The following PTPRD variants were observed in gnomAD, a reference collection of about 807,000 sequenced individuals.
The protein encoded by PTPRD is protein tyrosine phosphatase receptor type D, also known as receptor-type tyrosine-protein phosphatase delta.
Under a neutral mutation model 214.5 loss-of-function variants are expected in PTPRD, and 34 were observed. The ratio of observed to expected loss-of-function variants is 0.16; its 90% CI spans 0.12 to 0.21. PTPRD has a LOEUF of 0.21. PTPRD is among the 10% of genes least tolerant of loss of function. The pLI is 1.00. For missense variants in PTPRD, 2,545 were observed against 2,398.7 expected (o/e 1.06, Z -1.27); for synonymous variants, 1,128 against 845.7 (o/e 1.33, Z -5.79).
At chr9:9,219,004 G>C (rs2099954114) in intron 9 of PTPRD, among the ~76,000 whole-genome samples, 1 of 152,034 alleles carries the variant, frequency 6.6e-6, no homozygotes, top group Non-Finnish European at 1.5e-5. Flanking sequence ...TATACTACAA[G>C]GAAAGGAAGG....
chr9:10,159,100 G>C (rs1177175278), intron 3 of PTPRD, among the ~76,000 whole-genome samples: 2 of 151,942 alleles, frequency 1.3e-5, no homozygotes, highest in Non-Finnish European at 2.9e-5. Context: ...CAGACAGACT[G>C]TATTCTAATT....
At chr9:8,522,026 T>C (rs186930037) in intron 19 of PTPRD, among the ~76,000 whole-genome samples, 13 of 152,310 alleles carry the variant, frequency 8.5e-5, no homozygotes, top group African/African-American at 3.1e-4. Context: ...CACTGTCACA[T>C]CCCAGCCCTG....
intron 5 of PTPRD, among the ~76,000 whole-genome samples, chr9:9,894,426 T>C (rs141278415): frequency 6.6e-6 from 1 of 152,260 alleles, no homozygotes; most frequent in East Asian, 1.9e-4. Context: ...CTTTAGCTCA[T>C]TGTGCTTTAA....
intron 3 of PTPRD, among the ~76,000 whole-genome samples, chr9:10,169,910 T>C (rs906206859): frequency 6.6e-6 from 1 of 152,170 alleles, no homozygotes; most frequent in African/African-American, 2.4e-5. Context: ...ATTTAGTTTA[T>C]AAAGTCTTTA....
intron 39 of PTPRD, 49 bp from the exon 40 acceptor site, chr9:8,342,027 C>A (rs1485369917): frequency 6.7e-7 from 1 of 1,498,502 alleles, no homozygotes; most frequent in South Asian, 1.4e-5. Context: ...ATCAGAAAAT[C>A]AATACATAAT....
At chr9:10,301,494 C>T (rs1000780982) in intron 3 of PTPRD, among the ~76,000 whole-genome samples, 5 of 152,130 alleles carry the variant, frequency 3.3e-5, no homozygotes, top group Non-Finnish European at 7.4e-5. Context: ...CATGTTCTAA[C>T]CCTTCGCAAG....
intron 8 of PTPRD, among the ~76,000 whole-genome samples, chr9:9,407,279 C>T (rs1280302552): frequency 1.3e-5 from 2 of 151,650 alleles, no homozygotes; most frequent in African/African-American, 4.8e-5. Context: ...TACTCATTTT[C>T]ATTGCTGTGT....
intron 7 of PTPRD, among the ~76,000 whole-genome samples, chr9:9,711,751 T>C (rs1176742117): frequency 1.3e-5 from 2 of 152,152 alleles, no homozygotes; most frequent in Admixed American, 6.5e-5. Flanking sequence ...CTGTAATATA[T>C]ATAGCATGAC....
At chr9:8,706,172 G>C (rs2098203189) in intron 12 of PTPRD, among the ~76,000 whole-genome samples, 1 of 151,762 alleles carries the variant, frequency 6.6e-6, no homozygotes, top group African/African-American at 2.4e-5. Flanking sequence ...AAAGAACACT[G>C]AATTAAAAAA....
At chr9:10,523,112 G>T (rs865981120) in intron 2 of PTPRD, among the ~76,000 whole-genome samples, 2 of 151,860 alleles carry the variant, frequency 1.3e-5, no homozygotes. Flanking sequence ...ATTTCTCTGT[G>T]GTTGAAAAAT....
intron 5 of PTPRD, among the ~76,000 whole-genome samples, chr9:9,931,735 G>A (rs570269037): frequency 0.018 from 2,693 of 151,880 alleles, 16 homozygotes; most frequent in Admixed American, 0.026. Context: ...ACAGCTCAAG[G>A]AGGCCTGCCT....
intron 10 of PTPRD, among the ~76,000 whole-genome samples, chr9:9,060,663 A>G (rs1313892118): frequency 6.6e-6 from 1 of 152,094 alleles, no homozygotes; most frequent in Non-Finnish European, 1.5e-5. Context: ...AAGCCAATCC[A>G]ATAGAAAAAA....
intron 2 of PTPRD, among the ~76,000 whole-genome samples, chr9:10,527,525 T>C (rs774192536): frequency 1.1e-4 from 17 of 152,164 alleles, no homozygotes; most frequent in Admixed American, 7.9e-4. Flanking sequence ...GGCTTGTACA[T>C]TGTCATAAAA....
intron 2 of PTPRD, among the ~76,000 whole-genome samples, chr9:10,363,177 T>TTATACAAC (rs2097429364): frequency 6.6e-6 from 1 of 152,226 alleles, no homozygotes; most frequent in Non-Finnish European, 1.5e-5. Flanking sequence ...TGAATCTTGT[T>TTATACAAC]AAAATGCAGA....
At chr9:10,608,024 A>G (rs1470053236) in intron 2 of PTPRD, among the ~76,000 whole-genome samples, 3 of 151,994 alleles carry the variant, frequency 2.0e-5, no homozygotes, top group East Asian at 3.9e-4. Flanking sequence ...CAACTTTGAT[A>G]TCTTTTATTT....
intron 9 of PTPRD, among the ~76,000 whole-genome samples, chr9:9,213,763 G>A (rs773972656): frequency 2.0e-5 from 3 of 152,062 alleles, no homozygotes; most frequent in Non-Finnish European, 2.9e-5. Flanking sequence ...CACTAAAGAA[G>A]AGCTGATTAT....
chr9:10,438,518 A>G (rs1025897300), intron 2 of PTPRD, among the ~76,000 whole-genome samples: 1 of 151,688 alleles, frequency 6.6e-6, no homozygotes, highest in African/African-American at 2.4e-5. Flanking sequence ...TTGGACTCCA[A>G]TTCGATGTTT....
At chr9:8,330,559 CT>C (rs1839250850) in intron 44 of PTPRD, among the ~76,000 whole-genome samples, 2 of 105,734 alleles carry the variant, frequency 1.9e-5, no homozygotes, top group Admixed American at 9.1e-5. Context: ...TGTTTAATAA[CT>C]CAATAGAAAG....
chr9:8,569,370 A>G (rs2090430407), intron 14 of PTPRD, among the ~76,000 whole-genome samples: 3 of 152,170 alleles, frequency 2.0e-5, no homozygotes, highest in Admixed American at 2.0e-4. Flanking sequence ...GAATGCAGAA[A>G]TTAATGTTAA....
Sources: allele counts gnomAD v4.1 joint callset (sites outside exome capture counted in the v4.1 genomes callset), GRCh38; gene constraint gnomAD v4.1.1; transcripts MANE v1.5; gene names NCBI Gene and HGNC (gene_info 2026-07-23, HGNC 2026-07-21).